IGF2BP3: variants seen among roughly 807,000 people sequenced by gnomAD.
IGF2BP3 encodes insulin like growth factor 2 mRNA binding protein 3.
In IGF2BP3, 9 loss-of-function variants were observed where a neutral mutation model predicts 73.8. The observed-to-expected ratio is 0.12, with a 90% CI of 0.07 to 0.21. The LOEUF (loss-of-function observed/expected upper bound fraction) is 0.21. Among genes scored for constraint, IGF2BP3 ranks in the 10% least tolerant of loss-of-function variants. The pLI, the probability that IGF2BP3 is intolerant of heterozygous loss-of-function variation, is 1.00. For synonymous variants in IGF2BP3, 258 were observed against 256.7 expected (o/e 1.01, Z -0.05); for missense variants, 542 against 714.0 (o/e 0.76, Z 2.75).
intron 2 of IGF2BP3, among the ~76,000 whole-genome samples, chr7:23,437,851 G>C (rs1308655112): frequency 1.3e-5 from 2 of 152,150 alleles, no homozygotes; most frequent in Non-Finnish European, 2.9e-5. Flanking sequence ...AAACAAGTGA[G>C]GTCAATTTAA....
At position 23,469,900 on chromosome 7, in the gene IGF2BP3, G is replaced by A. The variant is rs1405741618; in HGVS notation, c.175+36C>T. ...GGCCTGGGCGGGCGGTGCAGGGCTGGGGCGAGAGCCCGGGTGGGGCCAGGC... is the reference window on the plus strand; with the variant it reads ...GGCCTGGGCGGGCGGTGCAGGGCTGAGGCGAGAGCCCGGGTGGGGCCAGGC... On this transcript the variant is annotated intron_variant, in intron 1 of 14. Transcript: ENST00000258729. This position sits in a 1 kb window ranked among gnomAD's most constrained non-coding sequence, Gnocchi z 6.1. 7 of 1,552,722 alleles carry A rather than the reference G, an allele frequency of 4.5e-6. No individual in the cohort carries two copies. In the Admixed American group the frequency reaches 7.5e-5, roughly 17 times the overall value.
At chr7:23,416,869 C>T (rs1469716997) in intron 3 of IGF2BP3, among the ~76,000 whole-genome samples, 3 of 152,116 alleles carry the variant, frequency 2.0e-5, no homozygotes, top group African/African-American at 4.8e-5. Flanking sequence ...GCCTAACCAA[C>T]GTGGTAAAAT....
intron 5 of IGF2BP3, among the ~76,000 whole-genome samples, chr7:23,357,859 G>A (rs1240828620): frequency 1.3e-5 from 2 of 152,078 alleles, no homozygotes; most frequent in Non-Finnish European, 2.9e-5. Context: ...CGTATTTGAG[G>A]ACTCTTCTTA....
At chr7:23,325,931 G>C (rs1562673356) in intron 10 of IGF2BP3, among the ~76,000 whole-genome samples, 1 of 152,194 alleles carries the variant, frequency 6.6e-6, no homozygotes, top group African/African-American at 2.4e-5. Context: ...ATCAATTCAA[G>C]ATGGACTAAA....
rs781724208 is a variant in IGF2BP3, at chr7:23,418,815, T to C, written c.246A>G (p.Lys82=). ...GAGGCGGGATATTTCGTATCTGAAG[T>C]TTCCGAATCCTGCAGAAGAATTAAA... ...HSVPKRQRIR[K]LQIRNIPPHL... The change falls in exon 3 of 15, where the codon AAA becomes AAG. Residue 82 remains lysine, a synonymous_variant. Transcript: ENST00000258729. The C allele has an allele frequency of 6.3e-7, 1 of 1,580,100 alleles. No individual in the cohort carries two copies. The highest frequency in any genetic ancestry group is 8.6e-7 in the Non-Finnish European group (1 of 1,157,670).
intron 3 of IGF2BP3, among the ~76,000 whole-genome samples, chr7:23,418,175 T>C (rs2128535227): frequency 6.6e-6 from 1 of 152,270 alleles, no homozygotes; most frequent in Admixed American, 6.5e-5. Flanking sequence ...CTCTCCAAGG[T>C]GGGTTTTAAG....
At chr7:23,349,678 T>C (rs1784912071) in intron 6 of IGF2BP3, among the ~76,000 whole-genome samples, 1 of 152,204 alleles carries the variant, frequency 6.6e-6, no homozygotes, top group Non-Finnish European at 1.5e-5. Context: ...CAAGAGTTAA[T>C]TAAATCCACT....
chr7:23,348,308 T>C (rs1465885833), intron 6 of IGF2BP3, among the ~76,000 whole-genome samples: 2 of 152,172 alleles, frequency 1.3e-5, no homozygotes, highest in Non-Finnish European at 2.9e-5. Context: ...AAGTGGCCAA[T>C]AAACTCAAAA....
At chr7:23,455,262 C>T (rs549976377) in intron 2 of IGF2BP3, among the ~76,000 whole-genome samples, 9 of 152,334 alleles carry the variant, frequency 5.9e-5, no homozygotes, top group Admixed American at 3.9e-4. Context: ...CGCTCAGCCT[C>T]AATCACCATC....
intron 3 of IGF2BP3, among the ~76,000 whole-genome samples, chr7:23,408,103 T>C (rs1444841923): frequency 1.3e-5 from 2 of 152,112 alleles, no homozygotes; most frequent in Non-Finnish European, 2.9e-5. Context: ...AGGCAATGTC[T>C]TCAACCTGAT....
intron 3 of IGF2BP3, among the ~76,000 whole-genome samples, chr7:23,401,170 G>T (rs1786650583): frequency 6.6e-6 from 1 of 152,168 alleles, no homozygotes; most frequent in South Asian, 2.1e-4. Flanking sequence ...TGCTGATACA[G>T]AGTAACTAAA....
chr7:23,364,133 T>C (rs1370977013), intron 3 of IGF2BP3, among the ~76,000 whole-genome samples: 1 of 152,102 alleles, frequency 6.6e-6, no homozygotes, highest in East Asian at 1.9e-4. Context: ...CCCAGCACTT[T>C]GGGAGGCCGA....
chr7:23,407,440 C>T (rs1399551281), intron 3 of IGF2BP3, among the ~76,000 whole-genome samples: 1 of 151,644 alleles, frequency 6.6e-6, no homozygotes. Flanking sequence ...GAAACCCCAT[C>T]TCTACTAAAA....
At chr7:23,348,664 C>T (rs1784889860) in intron 6 of IGF2BP3, among the ~76,000 whole-genome samples, 1 of 152,028 alleles carries the variant, frequency 6.6e-6, no homozygotes, top group Non-Finnish European at 1.5e-5. Flanking sequence ...TACTAACTTC[C>T]CTGGCCTGTA....
rs114485626 is a variant in IGF2BP3, at chr7:23,430,044, G to A, written c.237-11220C>T. 5.1e-3 allele frequency among the ~76,000 whole-genome samples: 772 copies of A among 152,022 alleles called. 7 individuals carry two copies. Among genetic ancestry groups the A allele is most frequent in the African/African-American group, 0.018 (747 of 41,480 alleles). On this transcript the variant is annotated intron_variant, in intron 2 of 14. Coordinates refer to ENST00000258729, the MANE Select transcript of IGF2BP3 (RefSeq NM_006547.3). ...CTGCTAACACCAGCTGATGACAGAA[G>A]GAGAAAACCAAGTCTAACTTGTAAC...
intron 10 of IGF2BP3, among the ~76,000 whole-genome samples, chr7:23,332,556 C>G (rs1047078637): frequency 7.9e-5 from 12 of 152,326 alleles, no homozygotes; most frequent in African/African-American, 2.9e-4. Context: ...AGGGGCCTGT[C>G]CTGCACAGCT....
intron 3 of IGF2BP3, among the ~76,000 whole-genome samples, chr7:23,378,809 T>C (rs1785814152): frequency 1.3e-5 from 2 of 152,128 alleles, no homozygotes; most frequent in South Asian, 4.2e-4. Context: ...CTTGACCTCG[T>C]GATTCACCCA....
chr7:23,319,879 A>C (rs769376213), intron 10 of IGF2BP3, among the ~76,000 whole-genome samples: 12 of 152,212 alleles, frequency 7.9e-5, no homozygotes, highest in Non-Finnish European at 1.8e-4. Flanking sequence ...ATGCTTTCCC[A>C]CAGAATTCCT....
chr7:23,312,127 C>A lies in IGF2BP3; in HGVS notation c.*235G>T. 1 of 450,704 alleles carries A rather than the reference C, an allele frequency of 2.2e-6. No homozygotes were observed. The highest frequency in any genetic ancestry group is 3.9e-6 in the Non-Finnish European group (1 of 254,926). 27.9% of individuals were successfully genotyped at this position (450,704 alleles called of 1,614,324 possible). A position where few individuals can be genotyped will look rare whatever the true frequency, so the allele number is the denominator to read the frequency against. On this transcript the variant is annotated 3_prime_UTR_variant, in exon 15 of 15. Coordinates refer to ENST00000258729, the MANE Select transcript of IGF2BP3 (RefSeq NM_006547.3). ...CTTCTCTTTCCCTCCCTCCCCCACC[C>A]TTTTTTTGTTTGTTTGTTTGTTTGT...
Sources: gnomAD v4.1 joint callset for allele counts (sites outside exome capture counted in the v4.1 genomes callset) on GRCh38, gnomAD v4.1.1 for gene constraint, Gnocchi (gnomAD v3.1) non-coding constraint, MANE v1.5 for transcripts, NCBI Gene and HGNC (gene_info 2026-07-23, HGNC 2026-07-21) for gene names.